The following PODN variants were observed in gnomAD, a reference collection of about 807,000 sequenced individuals.
The protein encoded by PODN is podocan, also known as podocan proteoglycan.
A neutral mutation model predicts 52.7 loss-of-function variants in PODN; 40 were observed. The ratio of observed to expected loss-of-function variants is 0.76; its 90% CI spans 0.59 to 0.99. The LOEUF (loss-of-function observed/expected upper bound fraction) is 0.99. Among genes scored for constraint, PODN ranks in the 50% least tolerant of loss-of-function variants. The probability of loss-of-function intolerance (pLI) is 0.00; values close to 1 mark genes in which losing one functional copy is unlikely to be tolerated. For missense variants in PODN, 720 were observed against 815.1 expected (o/e 0.88, Z 1.42); for synonymous variants, 396 against 377.9 (o/e 1.05, Z -0.56).
At chr1:53,070,636 C>A (rs1345627413) in intron 2 of PODN, among the ~76,000 whole-genome samples, 3 of 152,218 alleles carry the variant, frequency 2.0e-5, no homozygotes, top group Non-Finnish European at 4.4e-5. Flanking sequence ...GACACAGTGT[C>A]CAGACTAGGA....
At chr1:53,066,695 C>A (rs1644037807) in intron 1 of PODN, 1 of 887,486 alleles carries the variant, frequency 1.1e-6, no homozygotes, top group Non-Finnish European at 1.7e-6. Flanking sequence ...TGCCACTTAA[C>A]AGCTGTTCAC....
chr1:53,080,197 G>C (rs749942784), intron 8 of PODN, among the ~76,000 whole-genome samples: 1 of 152,154 alleles, frequency 6.6e-6, no homozygotes, highest in South Asian at 2.1e-4. Flanking sequence ...TGGGGTCACT[G>C]TGGGTCTCAC....
At chr1:53,070,992 A>T in intron 2 of PODN, 1 of 153,460 alleles carries the variant, frequency 6.5e-6, no homozygotes, top group East Asian at 1.9e-4. Context: ...GCTTACAGTC[A>T]GTGGCGAGGC....
chr1:53,077,721 AGCGAGCTGAGCAGCCTGC>A lies in PODN; in HGVS notation c.783_800del (p.Ser262_Leu267del). On this transcript the variant is annotated inframe_deletion, in exon 7 of 11. Transcript: ENST00000312553. The stretch of plus-strand genomic sequence containing the variant: ...GGAGAAGATCCCCCCGGGGGCCTTC[AGCGAGCTGAGCAGCCTGC>A]GCGAGCTATACCTGCAGAACAACTA... 2 of 1,613,530 alleles carry A rather than the reference AGCGAGCTGAGCAGCCTGC, an allele frequency of 1.2e-6. No individual in the cohort carries two copies. Among genetic ancestry groups the A allele is most frequent in the Non-Finnish European group, 1.7e-6 (2 of 1,179,904 alleles).
intron 4 of PODN, among the ~76,000 whole-genome samples, chr1:53,075,525 C>A (rs1049986708): frequency 2.6e-5 from 4 of 152,218 alleles, no homozygotes; most frequent in Non-Finnish European, 5.9e-5. Context: ...CCAGAGCAAC[C>A]TTGAAGTCAC....
intron 3 of PODN, 35 bp downstream of exon 3, chr1:53,071,663 C>T (rs1362667188): frequency 6.3e-7 from 1 of 1,577,156 alleles, no homozygotes; most frequent in Non-Finnish European, 8.7e-7. Flanking sequence ...GTCAGGGACA[C>T]CAAGTGGGGC....
intron 8 of PODN, among the ~76,000 whole-genome samples, chr1:53,080,222 C>T (rs1258097883): frequency 6.6e-6 from 1 of 152,198 alleles, no homozygotes; most frequent in Non-Finnish European, 1.5e-5. Flanking sequence ...TTGCTCCTGA[C>T]CTCTGCACGT....
At chr1:53,063,701 G>A (rs964805573) in intron 1 of PODN, 27 of 470,484 alleles carry the variant, frequency 5.7e-5, no homozygotes, top group Non-Finnish European at 7.5e-5. Context: ...AAATGTCAGA[G>A]TCACACGACT....
intron 1 of PODN, among the ~76,000 whole-genome samples, chr1:53,065,960 C>G (rs1163515837): frequency 6.6e-6 from 1 of 151,010 alleles, no homozygotes; most frequent in African/African-American, 2.4e-5. Context: ...GCCACAAATG[C>G]AAGCCACATA....
In PODN at chr1:53,079,057, G is replaced by A. The variant is rs139468517; in HGVS notation, c.1512+35G>A. 3,633 of 1,481,696 alleles carry A rather than the reference G, an allele frequency of 2.5e-3. 38 individuals are homozygous for A. The African/African-American group carries it at 0.025, about 10-fold the overall frequency. 91.8% of individuals were successfully genotyped at this position (1,481,696 alleles called of 1,614,324 possible). ...AGGGAGGGGGCTGAGCCATGCCCAT[G>A]GAGGGGGGTACTGGCATGGCTGCCC... On this transcript the variant is annotated intron_variant, in intron 8 of 10. Transcript: ENST00000312553.
In PODN at chr1:53,071,561, T is replaced by C. The variant is rs1224632620; in HGVS notation, c.339T>C (p.Pro113=). The change falls in exon 3 of 11, where the codon CCT becomes CCC. Residue 113 remains proline, a synonymous_variant. Transcript: ENST00000312553. ...ACAACCAGCTGGAAAAGATCTACCC[T>C]GAGGAGCTCTCCCGGCTGCACCGGC... ...LQNNQLEKIY[P]EELSRLHRLE... is the part of the protein sequence containing the mutation. The C allele has an allele frequency of 6.2e-7, 1 of 1,613,966 alleles. No individual in the cohort carries two copies. The highest frequency in any genetic ancestry group is 8.5e-7 in the Non-Finnish European group (1 of 1,179,978).
At chr1:53,083,786 A>G (rs1424156480) in intron 10 of PODN, among the ~76,000 whole-genome samples, 1 of 151,874 alleles carries the variant, frequency 6.6e-6, no homozygotes, top group Non-Finnish European at 1.5e-5. Flanking sequence ...GCTGGTGGGC[A>G]GGGACTCAGA....
chr1:53,081,219 A>C (rs545567543), intron 9 of PODN, among the ~76,000 whole-genome samples: 2 of 152,152 alleles, frequency 1.3e-5, no homozygotes, highest in Non-Finnish European at 2.9e-5. Context: ...CGGGCCTCAC[A>C]CTCAGGAATA....
Position 53,074,637 on chromosome 1 carries a change from C to G in PODN, c.438C>G (p.Thr146=). ...CAGAGAAGGCGTTTGAGCATCTGAC[C>G]AACCTCAATTACCTGTACTTGGCCA... The part of the protein sequence containing the change: ...GLPEKAFEHL[T]NLNYLYLANN... The change falls in exon 4 of 11, where the codon ACC becomes ACG. Residue 146 remains threonine (T), a synonymous_variant. Transcript: ENST00000312553. The G allele has an allele frequency of 6.2e-7, 1 of 1,614,028 alleles. No individual in the cohort carries two copies. Among genetic ancestry groups the G allele is most frequent in the East Asian group, 2.2e-5 (1 of 44,878 alleles).
At position 53,080,796 on chromosome 1, in the gene PODN, G is replaced by C. The variant is rs376371362; in HGVS notation, c.1581G>C (p.Leu527=). The change falls in exon 9 of 11, where the codon CTG becomes CTC. Residue 527 remains leucine, a synonymous_variant. Coordinates refer to ENST00000312553, the MANE Select transcript of PODN (RefSeq NM_153703.5). ...PEGLPESLEY[L]YLQNNKISAV... Reference sequence around the variant, plus strand: ...GGCTCCCCGAGTCACTTGAGTACCTGTACCTGCAGAACAACAAGATTAGTG... The same window carrying C: ...GGCTCCCCGAGTCACTTGAGTACCTCTACCTGCAGAACAACAAGATTAGTG... The C allele has an allele frequency of 6.2e-7, 1 of 1,614,026 alleles. No homozygotes were observed. The highest frequency in any genetic ancestry group is 1.3e-5 in the African/African-American group (1 of 74,942).
chr1:53,068,631 G>C (rs1366115114), intron 1 of PODN, among the ~76,000 whole-genome samples: 1 of 152,176 alleles, frequency 6.6e-6, no homozygotes, highest in African/African-American at 2.4e-5. Context: ...GCATTGTACA[G>C]ACAACGAAAC....
chr1:53,071,600 C>T lies in PODN; in HGVS notation c.378C>T (p.Asn126=). Residue 126 remains asparagine (N), a synonymous_variant, in exon 3 of 11, where the codon AAC becomes AAT. Coordinates refer to ENST00000312553, the MANE Select transcript of PODN (RefSeq NM_153703.5). ...LSRLHRLETL[N]LQNNRLTSRG... Reference sequence around the variant, plus strand: ...GGCTGCACCGGCTGGAGACGCTGAACCTGCAAAACAACCGCCTGACTTCCC... The same window carrying T: ...GGCTGCACCGGCTGGAGACGCTGAATCTGCAAAACAACCGCCTGACTTCCC... 1 of 1,613,846 alleles carries T rather than the reference C, an allele frequency of 6.2e-7. No individual in the cohort carries two copies. The highest frequency in any genetic ancestry group is 8.5e-7 in the Non-Finnish European group (1 of 1,179,960).
chr1:53,077,266 G>A lies in PODN; in HGVS notation c.658G>A (p.Glu220Lys), dbSNP rs761930957. The change falls in exon 6 of 11, where the codon GAG (glutamate) becomes AAG (lysine). Residue 220 changes from glutamate to lysine, a missense_variant. Physicochemically the swap from Glu to Lys is moderately conservative, Grantham distance 56 (BLOSUM62 1). Transcript: ENST00000312553. Reference sequence around the variant, plus strand: ...CATGTTCAACGGCTCCAGCAACGTCGAGGTCCTCATCCTGTCCAGCAACTT... The same window carrying A: ...CATGTTCAACGGCTCCAGCAACGTCAAGGTCCTCATCCTGTCCAGCAACTT... ...DNMFNGSSNV[E>K]VLILSSNFLR... is the part of the protein sequence containing the mutation. 4.3e-6 allele frequency: 7 copies of A among 1,613,440 alleles called. No individual in the cohort carries two copies. The highest frequency in any genetic ancestry group is 1.7e-5 in the Admixed American group (1 of 60,012).
chr1:53,071,674 C>T (rs774885356), intron 3 of PODN, 46 bp downstream of exon 3: 54 of 1,552,178 alleles, frequency 3.5e-5, no homozygotes, highest in Non-Finnish European at 4.8e-5. Context: ...CAAGTGGGGC[C>T]TTGGGGGCCT....
Sources: gnomAD v4.1 joint callset for allele counts (sites outside exome capture counted in the v4.1 genomes callset) on GRCh38, gnomAD v4.1.1 for gene constraint, MANE v1.5 for transcripts, NCBI Gene and HGNC (gene_info 2026-07-23, HGNC 2026-07-21) for gene names.